RABGAP1L: variants seen among roughly 807,000 people sequenced by gnomAD.
RABGAP1L encodes the protein RAB GTPase activating protein 1 like, also known as rab GTPase-activating protein 1-like.
Under a neutral mutation model 137.7 loss-of-function variants are expected in RABGAP1L, and 63 were observed. That is an observed-to-expected ratio of 0.46 (90% CI 0.37 to 0.56). The LOEUF (loss-of-function observed/expected upper bound fraction) is 0.56, where lower values mean the gene tolerates loss of function less well. Ranked by LOEUF, RABGAP1L falls within the 20% of genes least tolerant of loss-of-function variation. RABGAP1L has a pLI of 0.00. For missense variants in RABGAP1L, 1,095 were observed against 1,244.0 expected, an observed-to-expected ratio of 0.88 and a Z score of 1.80; for synonymous variants, 431 against 433.7, an observed-to-expected ratio of 0.99 and a Z score of 0.08.
chr1:174,506,232 A>T (rs1396767201), intron 13 of RABGAP1L, among the ~76,000 whole-genome samples: 2 of 152,206 alleles, frequency 1.3e-5, no homozygotes, highest in Non-Finnish European at 2.9e-5. Flanking sequence ...TGGTAATTAT[A>T]CTTAATGATA....
chr1:174,865,703 G>C (rs1173547204), intron 19 of RABGAP1L, among the ~76,000 whole-genome samples: 2 of 152,118 alleles, frequency 1.3e-5, no homozygotes, highest in African/African-American at 4.8e-5. Flanking sequence ...CGGGAGCTGC[G>C]GTGAGAAGAT....
At chr1:174,173,781 G>T (rs909609006) in intron 1 of RABGAP1L, among the ~76,000 whole-genome samples, 2 of 152,072 alleles carry the variant, frequency 1.3e-5, no homozygotes, top group Non-Finnish European at 2.9e-5. Context: ...CAAGGAAGGG[G>T]CACCACAAGG....
chr1:174,722,876 C>T (rs1036179696), intron 17 of RABGAP1L, among the ~76,000 whole-genome samples: 5 of 152,080 alleles, frequency 3.3e-5, no homozygotes, highest in East Asian at 3.8e-4. Context: ...GGTATTTGCC[C>T]GAGGCTGCAC....
At chr1:174,468,447 T>G (rs1324017812) in intron 13 of RABGAP1L, among the ~76,000 whole-genome samples, 1 of 152,226 alleles carries the variant, frequency 6.6e-6, no homozygotes, top group Non-Finnish European at 1.5e-5. Flanking sequence ...TGTTCAATAA[T>G]GGATTCACAT....
intron 11 of RABGAP1L, among the ~76,000 whole-genome samples, chr1:174,334,497 C>A (rs1338258675): frequency 1.3e-5 from 2 of 152,232 alleles, no homozygotes; most frequent in Admixed American, 6.5e-5. Context: ...ATTCACAAAA[C>A]CATACATAAT....
chr1:174,589,206 G>A (rs914096100), intron 13 of RABGAP1L, among the ~76,000 whole-genome samples: 2 of 152,148 alleles, frequency 1.3e-5, no homozygotes, highest in Non-Finnish European at 2.9e-5. Flanking sequence ...GATTGATGAT[G>A]TTGAGCACTT....
intron 19 of RABGAP1L, among the ~76,000 whole-genome samples, chr1:174,836,351 CCT>C (rs1440291515): frequency 6.6e-6 from 1 of 151,912 alleles, no homozygotes; most frequent in African/African-American, 2.4e-5. Context: ...TTTCTCTCTC[CCT>C]CTGTCTGACC....
intron 18 of RABGAP1L, among the ~76,000 whole-genome samples, chr1:174,766,947 A>G (rs1357631254): frequency 6.6e-6 from 1 of 152,212 alleles, no homozygotes; most frequent in African/African-American, 2.4e-5. Flanking sequence ...TGATAAAACC[A>G]TGGTATCCAC....
intron 11 of RABGAP1L, among the ~76,000 whole-genome samples, chr1:174,362,038 A>G (rs923345070): frequency 6.6e-6 from 1 of 152,070 alleles, no homozygotes; most frequent in Non-Finnish European, 1.5e-5. Context: ...TGCACTATTC[A>G]GTTTTCTGTT....
chr1:174,232,840 G>T (rs1330307654), intron 4 of RABGAP1L, among the ~76,000 whole-genome samples: 1 of 151,484 alleles, frequency 6.6e-6, no homozygotes, highest in Non-Finnish European at 1.5e-5. Flanking sequence ...GGTTATATTT[G>T]AAATCCTTAT....
At chr1:174,273,464 C>T (rs1378378918) in intron 8 of RABGAP1L, among the ~76,000 whole-genome samples, 1 of 151,884 alleles carries the variant, frequency 6.6e-6, no homozygotes, top group Non-Finnish European at 1.5e-5. Context: ...ATAGAGGAAG[C>T]ACTGCCTGAA....
chr1:174,684,198 G>A (rs766939599), intron 15 of RABGAP1L, among the ~76,000 whole-genome samples: 1 of 152,132 alleles, frequency 6.6e-6, no homozygotes, highest in South Asian at 2.1e-4. Flanking sequence ...ATAACTTACA[G>A]TATGCTAAGT....
intron 24 of RABGAP1L, among the ~76,000 whole-genome samples, chr1:174,987,508 G>C (rs918424218): frequency 6.6e-6 from 1 of 152,100 alleles, no homozygotes; most frequent in Non-Finnish European, 1.5e-5. Flanking sequence ...GGATGAAAGA[G>C]GAGCTAATGA....
chr1:174,172,376 GA>G (rs1665490868), intron 1 of RABGAP1L, among the ~76,000 whole-genome samples: 1 of 152,158 alleles, frequency 6.6e-6, no homozygotes, highest in Non-Finnish European at 1.5e-5. Flanking sequence ...CCAGCAGAGG[GA>G]TTGCTGGATC....
In RABGAP1L at chr1:174,993,915, GTGTT is replaced by G. The variant is rs1042224352; in HGVS notation, c.*3916_*3919del. On this transcript the variant is annotated 3_prime_UTR_variant, in exon 26 of 26. Coordinates refer to ENST00000681986, the MANE Select transcript of RABGAP1L (RefSeq NM_001366446.1). ...TTTGAACACTATTAGGTTTGTATGT[GTGTT>G]TAATTGGAAGAATTTTATATAGAGT... is the stretch of plus-strand genomic sequence containing the variant. 6.6e-6 allele frequency: 1 copy of G among 152,168 alleles called. No individual in the cohort carries two copies. The highest frequency in any genetic ancestry group is 1.5e-5 in the Non-Finnish European group (1 of 68,030). The allele number at this position is 152,168 out of a possible 1,614,324, so 9.4% of individuals were successfully genotyped here. A position where few individuals can be genotyped will look rare whatever the true frequency, so the allele number is the denominator to read the frequency against.
chr1:174,439,938 A>G (rs545503886), intron 13 of RABGAP1L, among the ~76,000 whole-genome samples: 8 of 152,368 alleles, frequency 5.3e-5, no homozygotes, highest in South Asian at 4.1e-4. Context: ...ATTATAAACT[A>G]TAATATGTGT....
chr1:174,812,556 CTCTACAATATA>C (rs1689973652), intron 19 of RABGAP1L, among the ~76,000 whole-genome samples: 1 of 152,102 alleles, frequency 6.6e-6, no homozygotes, highest in Admixed American at 6.5e-5. Flanking sequence ...ATTCTTATAC[CTCTACAATATA>C]CCAGGGTATC....
intron 19 of RABGAP1L, chr1:174,945,930 G>T (rs1666660442): frequency 6.6e-6 from 1 of 151,796 alleles, no homozygotes; most frequent in Non-Finnish European, 1.5e-5. Context: ...TTTTCAGTCT[G>T]CCCCCTCTTA....
chr1:174,386,078 A>G (rs1686746642), intron 12 of RABGAP1L, among the ~76,000 whole-genome samples: 1 of 152,194 alleles, frequency 6.6e-6, no homozygotes, highest in Non-Finnish European at 1.5e-5. Flanking sequence ...TAGGCAAGAA[A>G]AGATGTATAT....
Sources: gnomAD v4.1 joint callset for allele counts (sites outside exome capture counted in the v4.1 genomes callset) on GRCh38, gnomAD v4.1.1 for gene constraint, MANE v1.5 for transcripts, NCBI Gene and HGNC (gene_info 2026-07-23, HGNC 2026-07-21) for gene names.